Variants in LIN28B observed in about 807,000 individuals in gnomAD.
LIN28B encodes protein lin-28 homolog B.
LIN28B carries 5 observed loss-of-function variants against 21.9 expected under a neutral mutation model. The observed-to-expected ratio is 0.23, with a 90% CI of 0.12 to 0.48. LIN28B has a LOEUF of 0.48. Among genes scored for constraint, LIN28B ranks in the 20% least tolerant of loss-of-function variants. The pLI is 0.98. For missense variants in LIN28B, 245 were observed against 310.5 expected, an observed-to-expected ratio of 0.79 and a Z score of 1.58; for synonymous variants, 109 against 111.3, an observed-to-expected ratio of 0.98 and a Z score of 0.13.
In LIN28B at chr6:104,960,637, T is replaced by C. The variant is rs1247857642; in HGVS notation, c.198+2351T>C. 2.0e-5 allele frequency among the ~76,000 whole-genome samples: 3 copies of C among 152,066 alleles called. 1 individual carries two copies. Among genetic ancestry groups the C allele is most frequent in the Admixed American group, 1.3e-4 (2 of 15,264 alleles). The stretch of plus-strand genomic sequence containing the variant: ...TTTTTTTTTGAAGTATTCTGAAACA[T>C]TTTTAATAATGTATATTTGGAGAAA... On this transcript the variant is annotated intron_variant, in intron 2 of 3. Transcript: ENST00000345080.
At chr6:104,952,962 A>G (rs314280), upstream of LIN28B, among the ~76,000 whole-genome samples, 71,523 of 152,056 alleles carry the variant, frequency 0.47, 18,602 homozygotes, top group East Asian at 0.69. Context: ...CGACCCAACT[A>G]TATTCTGAAG....
intron 3 of LIN28B, among the ~76,000 whole-genome samples, chr6:105,063,651 A>AAT (rs1460285785): frequency 1.3e-5 from 2 of 148,230 alleles, no homozygotes; most frequent in African/African-American, 2.5e-5. Flanking sequence ...GGGGGGGGAA[A>AAT]AAAAGGTAAA....
At chr6:104,962,891 G>A (rs191101576) in intron 2 of LIN28B, among the ~76,000 whole-genome samples, 38 of 152,164 alleles carry the variant, frequency 2.5e-4, no homozygotes, top group Admixed American at 9.2e-4. Context: ...AACATAAGCA[G>A]CTCATTTGTA....
chr6:105,043,894 C>G (rs1771692810), intron 3 of LIN28B, among the ~76,000 whole-genome samples: 1 of 152,146 alleles, frequency 6.6e-6, no homozygotes, highest in Non-Finnish European at 1.5e-5. Context: ...GCCACTGGAC[C>G]TGGCTCTTTG....
At chr6:105,021,563 G>C (rs1189993745) in intron 2 of LIN28B, among the ~76,000 whole-genome samples, 3 of 152,116 alleles carry the variant, frequency 2.0e-5, no homozygotes, top group Admixed American at 1.3e-4. Context: ...GTGGTAAGAT[G>C]ATATTTCATT....
chr6:105,015,575 CTGTT>C (rs1771011066), intron 2 of LIN28B, among the ~76,000 whole-genome samples: 1 of 152,034 alleles, frequency 6.6e-6, no homozygotes, highest in Non-Finnish European at 1.5e-5. Context: ...TGATATTCTT[CTGTT>C]TATCTCATTT....
intron 2 of LIN28B, among the ~76,000 whole-genome samples, chr6:105,015,683 C>T (rs988763699): frequency 1.3e-5 from 2 of 152,122 alleles, no homozygotes; most frequent in African/African-American, 4.8e-5. Flanking sequence ...TTTTCAGTTA[C>T]ACATTTTTGC....
chr6:104,953,725 C>T (rs1248213685), upstream of LIN28B, among the ~76,000 whole-genome samples: 1 of 152,122 alleles, frequency 6.6e-6, no homozygotes, highest in East Asian at 1.9e-4. Flanking sequence ...CAGGTCTCGG[C>T]CGCCTGGGGA....
chr6:105,046,331 A>T (rs1172918160), intron 3 of LIN28B, among the ~76,000 whole-genome samples: 5 of 152,160 alleles, frequency 3.3e-5, no homozygotes, highest in Non-Finnish European at 7.3e-5. Flanking sequence ...CCATGTCCCT[A>T]CAAAGGACAT....
At chr6:105,055,113 A>G (rs993815961) in intron 3 of LIN28B, among the ~76,000 whole-genome samples, 1 of 152,020 alleles carries the variant, frequency 6.6e-6, no homozygotes, top group Admixed American at 6.6e-5. Flanking sequence ...GATGCACCAA[A>G]GTGTGGGATT....
intron 2 of LIN28B, among the ~76,000 whole-genome samples, chr6:104,986,203 T>C (rs314288): frequency 0.92 from 139,864 of 152,128 alleles, 64,419 homozygotes; most frequent in African/African-American, 0.98. Flanking sequence ...CCTTCTGCCA[T>C]GATTGTAAGT....
intron 2 of LIN28B, among the ~76,000 whole-genome samples, chr6:105,016,043 A>G (rs1771019518): frequency 6.6e-6 from 1 of 152,184 alleles, no homozygotes; most frequent in Non-Finnish European, 1.5e-5. Context: ...TATTATTTCA[A>G]CAGTGCAACA....
Position 105,081,201 on chromosome 6 carries a change from A to G in LIN28B, c.*2418A>G, listed in dbSNP as rs1772536266. On this transcript the variant is annotated 3_prime_UTR_variant, in exon 4 of 4. Transcript: ENST00000345080. ...TAGTCTACAGTCCTGCTTACTCAAA[A>G]CAAACCAAATAACTTATACCTTTAT... is the stretch of plus-strand genomic sequence containing the variant. 1 of 152,644 alleles carries G rather than the reference A, an allele frequency of 6.6e-6. No individual in the cohort carries two copies. The highest frequency in any genetic ancestry group is 2.4e-5 in the African/African-American group (1 of 41,450). 9.5% of individuals were successfully genotyped at this position (152,644 alleles called of 1,614,324 possible). A position where few individuals can be genotyped will look rare whatever the true frequency, so the allele number is the denominator to read the frequency against.
At chr6:105,043,467 A>T (rs1310698303) in intron 3 of LIN28B, among the ~76,000 whole-genome samples, 1 of 150,770 alleles carries the variant, frequency 6.6e-6, no homozygotes, top group Non-Finnish European at 1.5e-5. Flanking sequence ...TTGTTTGTGT[A>T]TGTGTGTGTA....
At chr6:104,956,964 C>A, upstream of LIN28B, 1 of 680,210 alleles carries the variant, frequency 1.5e-6, no homozygotes, top group Non-Finnish European at 2.2e-6. Flanking sequence ...TTGATGTCAG[C>A]ATAGATGAAA....
chr6:104,992,498 GTGTGTGTGTGTGTGTGTT>G (rs1770509706), intron 2 of LIN28B, among the ~76,000 whole-genome samples: 1 of 95,790 alleles, frequency 1.0e-5, no homozygotes, highest in Non-Finnish European at 2.3e-5. Context: ...GTGTGTGTGT[GTGTGTGTGTGTGTGTGTT>G]TTTTTTTTAA....
intron 3 of LIN28B, among the ~76,000 whole-genome samples, chr6:105,030,212 C>A (rs1234280184): frequency 1.3e-5 from 2 of 152,106 alleles, no homozygotes; most frequent in Non-Finnish European, 2.9e-5. Context: ...ATTCAATAAA[C>A]ATAGAGACTC....
At chr6:104,937,652 G>A (rs1315953557) in intron 2 of LIN28B, among the ~76,000 whole-genome samples, 4 of 152,080 alleles carry the variant, frequency 2.6e-5, no homozygotes, top group East Asian at 3.9e-4. Flanking sequence ...CTTGTAATTC[G>A]TAAGTAAAAT....
At chr6:105,000,835 C>T (rs1238932991) in intron 2 of LIN28B, among the ~76,000 whole-genome samples, 1 of 152,108 alleles carries the variant, frequency 6.6e-6, no homozygotes, top group East Asian at 1.9e-4. Flanking sequence ...GTACAGAAAG[C>T]TGAATTAATA....
Sources: gnomAD v4.1 joint callset for allele counts (sites outside exome capture counted in the v4.1 genomes callset) on GRCh38, gnomAD v4.1.1 for gene constraint, MANE v1.5 for transcripts, NCBI Gene and HGNC (gene_info 2026-07-23, HGNC 2026-07-21) for gene names.